The following NXPE2 variants were observed in gnomAD, a reference collection of about 807,000 sequenced individuals.
NXPE2 encodes neurexophilin and PC-esterase domain family member 2.
NXPE2 carries 34 observed loss-of-function variants against 34.4 expected under a neutral mutation model. That is an observed-to-expected ratio of 0.99 (90% CI 0.75 to 1.31). The LOEUF is 1.31. Ranked by LOEUF, NXPE2 falls within the 40% of genes most tolerant of loss-of-function variation. The pLI is 0.00. For missense variants in NXPE2, 649 were observed against 672.5 expected, an observed-to-expected ratio of 0.97 and a Z score of 0.39; for synonymous variants, 235 against 231.3, an observed-to-expected ratio of 1.02 and a Z score of -0.15.
chr11:114,804,907 T>C, the NXPE2 span, among the ~76,000 whole-genome samples: 1 of 152,238 alleles, frequency 6.6e-6, no homozygotes, highest in South Asian at 2.1e-4. Context: ...ATCCAGATCC[T>C]ATGGATTAGA....
chr11:114,529,962 G>T, the NXPE2 span: 1 of 512,870 alleles, frequency 1.9e-6, no homozygotes, highest in Non-Finnish European at 3.4e-6. Context: ...ATAGAAGAAC[G>T]GTTATAGCAA....
the NXPE2 span, among the ~76,000 whole-genome samples, chr11:114,626,743 C>T: frequency 6.6e-6 from 1 of 152,036 alleles, no homozygotes; most frequent in African/African-American, 2.4e-5. Context: ...GACATTCAAA[C>T]CAAAGGCAAA....
chr11:114,807,929 CCA>C, the NXPE2 span, among the ~76,000 whole-genome samples: 1 of 152,188 alleles, frequency 6.6e-6, no homozygotes, highest in Non-Finnish European at 1.5e-5. Flanking sequence ...CCAAAATTGA[CCA>C]CATAGTTGGA....
the NXPE2 span, among the ~76,000 whole-genome samples, chr11:114,620,655 C>A: frequency 6.6e-6 from 1 of 151,352 alleles, no homozygotes; most frequent in Non-Finnish European, 1.5e-5. Flanking sequence ...GTGGATTACC[C>A]AGTGGAGAAT....
At chr11:114,647,095 G>A in the NXPE2 span, among the ~76,000 whole-genome samples, 1 of 152,200 alleles carries the variant, frequency 6.6e-6, no homozygotes, top group Non-Finnish European at 1.5e-5. Flanking sequence ...TGAACCTTGT[G>A]AACAAACATG....
chr11:114,771,030 T>G, the NXPE2 span, among the ~76,000 whole-genome samples: 2 of 152,128 alleles, frequency 1.3e-5, no homozygotes, highest in African/African-American at 4.8e-5. Context: ...GCTCTGATAT[T>G]GTAAGAATTA....
chr11:114,678,453 A>C, upstream of NXPE2: 1 of 747,972 alleles, frequency 1.3e-6, no homozygotes, highest in East Asian at 2.8e-5. Flanking sequence ...TGTGGCCACA[A>C]ATAGGATGTC....
At chr11:114,534,582 G>C in the NXPE2 span, among the ~76,000 whole-genome samples, 1 of 152,196 alleles carries the variant, frequency 6.6e-6, no homozygotes, top group Admixed American at 6.5e-5. Context: ...ATGCAGAGAA[G>C]TCCTTAAAGG....
At chr11:114,702,767 C>T (rs1337409757) in intron 3 of NXPE2, among the ~76,000 whole-genome samples, 1 of 152,166 alleles carries the variant, frequency 6.6e-6, no homozygotes, top group African/African-American at 2.4e-5. Context: ...CATGACTCCA[C>T]CACTCCATGC....
chr11:114,525,530 G>T, the NXPE2 span, among the ~76,000 whole-genome samples: 1 of 152,000 alleles, frequency 6.6e-6, no homozygotes, highest in African/African-American at 2.4e-5. Context: ...CCAAAGCAAG[G>T]TTGGGAAAAA....
At chr11:114,588,486 G>A in the NXPE2 span, among the ~76,000 whole-genome samples, 1 of 152,122 alleles carries the variant, frequency 6.6e-6, no homozygotes, top group Admixed American at 6.6e-5. Context: ...AGGCAGCTCT[G>A]CAGGCAGGGG....
At chr11:114,719,998 C>A in the NXPE2 span, among the ~76,000 whole-genome samples, 1 of 152,208 alleles carries the variant, frequency 6.6e-6, no homozygotes, top group Non-Finnish European at 1.5e-5. Flanking sequence ...GTTTGCTGCA[C>A]TGGCTGGGGC....
the NXPE2 span, among the ~76,000 whole-genome samples, chr11:114,729,832 A>C: frequency 6.6e-6 from 1 of 151,996 alleles, no homozygotes; most frequent in South Asian, 2.1e-4. Context: ...AGTGCAAAAT[A>C]TTTTCTACCA....
chr11:114,742,208 G>T, the NXPE2 span, among the ~76,000 whole-genome samples: 3 of 152,162 alleles, frequency 2.0e-5, no homozygotes, highest in South Asian at 6.2e-4. Context: ...CCATGAGGTT[G>T]TGCAGGAAGT....
the NXPE2 span, among the ~76,000 whole-genome samples, chr11:114,808,430 A>AATTG: frequency 3.6e-3 from 538 of 150,722 alleles, 2 homozygotes; most frequent in African/African-American, 0.012. Flanking sequence ...GGATCAACAA[A>AATTG]ATTGATAGGC....
the NXPE2 span, among the ~76,000 whole-genome samples, chr11:114,553,468 G>C: frequency 5.9e-5 from 9 of 152,196 alleles, no homozygotes; most frequent in Non-Finnish European, 1.3e-4. Flanking sequence ...GCTCCTTTGA[G>C]AGTGGCCAGA....
chr11:114,727,774 A>AACACACACAAACAC, the NXPE2 span, among the ~76,000 whole-genome samples: 3,038 of 127,556 alleles, frequency 0.024, 63 homozygotes, highest in East Asian at 0.034. Context: ...ATGTGTACAC[A>AACACACACAAACAC]ACACACACAC....
the NXPE2 span, among the ~76,000 whole-genome samples, chr11:114,507,660 A>AT: frequency 1.3e-5 from 2 of 152,196 alleles, no homozygotes; most frequent in Admixed American, 1.3e-4. Context: ...GATTATCTCA[A>AT]TAAATATGGA....
chr11:114,532,058 C>G, the NXPE2 span, among the ~76,000 whole-genome samples: 2 of 152,098 alleles, frequency 1.3e-5, no homozygotes, highest in Non-Finnish European at 2.9e-5. Flanking sequence ...GATTACAGAC[C>G]AGTAGTTGTC....
Sources: allele counts gnomAD v4.1 joint callset (sites outside exome capture counted in the v4.1 genomes callset), GRCh38; gene constraint gnomAD v4.1.1; transcripts MANE v1.5; gene names NCBI Gene and HGNC (gene_info 2026-07-23, HGNC 2026-07-21).